The following IL33 variants were observed in gnomAD, a reference collection of about 807,000 sequenced individuals.
IL33 encodes the protein interleukin-33.
A neutral mutation model predicts 27.3 loss-of-function variants in IL33; 37 were observed. The observed-to-expected ratio is 1.36, with a 90% CI of 1.04 to 1.78. The LOEUF (loss-of-function observed/expected upper bound fraction) is 1.78, where lower values mean the gene tolerates loss of function less well. Ranked by LOEUF, IL33 falls within the 40% of genes most tolerant of loss-of-function variation. The probability of loss-of-function intolerance (pLI) is 0.00; values close to 1 mark genes in which losing one functional copy is unlikely to be tolerated. For missense variants in IL33, 406 were observed against 311.4 expected (o/e 1.30, Z -2.29); for synonymous variants, 132 against 102.9 (o/e 1.28, Z -1.71).
intron 2 of IL33, among the ~76,000 whole-genome samples, chr9:6,246,637 A>T (rs929198581): frequency 2.6e-5 from 4 of 152,218 alleles, no homozygotes; most frequent in African/African-American, 9.6e-5. Flanking sequence ...GCCCTCATTA[A>T]TGGATTAATG....
At chr9:6,246,651 T>C (rs557338825) in intron 2 of IL33, among the ~76,000 whole-genome samples, 1 of 152,320 alleles carries the variant, frequency 6.6e-6, no homozygotes, top group African/African-American at 2.4e-5. Context: ...ATTAATGCCA[T>C]TGTCATGGGA....
intron 1 of IL33, among the ~76,000 whole-genome samples, chr9:6,226,211 G>A (rs994172399): frequency 7.3e-5 from 11 of 151,572 alleles, no homozygotes; most frequent in African/African-American, 2.4e-4. Context: ...ATGGGGCCTC[G>A]CTATGTTGCC....
intron 1 of IL33, among the ~76,000 whole-genome samples, chr9:6,229,076 G>C (rs535599982): frequency 6.6e-6 from 1 of 152,200 alleles, no homozygotes; most frequent in Non-Finnish European, 1.5e-5. Flanking sequence ...GCAGCTGCCA[G>C]TATAGAAGGG....
chr9:6,222,302 T>G (rs996029), intron 1 of IL33, among the ~76,000 whole-genome samples: 143,520 of 152,270 alleles, frequency 0.94, 67,715 homozygotes, highest in East Asian at 1. Context: ...GGTTGTACAA[T>G]AAAATCTCAT....
chr9:6,233,841 C>T (rs1467690149), intron 1 of IL33, among the ~76,000 whole-genome samples: 1 of 152,090 alleles, frequency 6.6e-6, no homozygotes, highest in Non-Finnish European at 1.5e-5. Flanking sequence ...TTTCTTTGTT[C>T]CCTTTCATTA....
chr9:6,216,846 T>C (rs567213025), intron 1 of IL33, among the ~76,000 whole-genome samples: 2 of 152,354 alleles, frequency 1.3e-5, no homozygotes, highest in Admixed American at 1.3e-4. Context: ...TTAGTTCTTT[T>C]TTCTTAATGG....
rs200181878 is a variant in IL33, at chr9:6,256,152, A to G, written c.797A>G (p.Lys266Arg). Residue 266 changes from lysine to arginine, a missense_variant, in exon 8 of 8, where the codon AAG (lysine) becomes AGG (arginine). Coordinates refer to ENST00000682010, the MANE Select transcript of IL33 (RefSeq NM_033439.4). ...ENLCTENILF[K>R]LSET ...TTGTGTACTGAAAATATCTTGTTTAAGCTCTCTGAAACTTAGTTGATGGAA... is the reference window on the plus strand; with the variant it reads ...TTGTGTACTGAAAATATCTTGTTTAGGCTCTCTGAAACTTAGTTGATGGAA... 68 of 1,613,002 alleles carry G rather than the reference A, an allele frequency of 4.2e-5. No homozygotes were observed. The highest frequency in any genetic ancestry group is 5.7e-5 in the Non-Finnish European group (67 of 1,179,344).
intron 6 of IL33, 73 bp downstream of exon 6, chr9:6,253,675 C>A (rs1816551068): frequency 3.4e-6 from 4 of 1,187,026 alleles, no homozygotes; most frequent in South Asian, 2.7e-5. Context: ...CAAAAAAATC[C>A]TTTTTGCCCC....
intron 1 of IL33, among the ~76,000 whole-genome samples, chr9:6,221,758 TG>T (rs1439916369): frequency 2.6e-5 from 4 of 152,170 alleles, no homozygotes; most frequent in African/African-American, 9.7e-5. Context: ...TTATGAAAAG[TG>T]TCTTGGCAAA....
At chr9:6,245,441 C>A (rs1819778744) in intron 2 of IL33, among the ~76,000 whole-genome samples, 1 of 152,062 alleles carries the variant, frequency 6.6e-6, no homozygotes, top group Non-Finnish European at 1.5e-5. Flanking sequence ...TTGACTTTAT[C>A]CTGTAGACAG....
chr9:6,233,670 A>G (rs1369727554), intron 1 of IL33, among the ~76,000 whole-genome samples: 2 of 152,210 alleles, frequency 1.3e-5, no homozygotes, highest in Non-Finnish European at 2.9e-5. Context: ...AATGAGTTAA[A>G]TTATGAAATT....
At chr9:6,255,850 C>A in intron 7 of IL33, 118 bp from the exon 8 acceptor site, 1 of 788,020 alleles carries the variant, frequency 1.3e-6, no homozygotes, top group Non-Finnish European at 2.1e-6. Context: ...ACTAAGCAAG[C>A]TTGCTAGAAA....
At chr9:6,217,189 G>C (rs1283189839) in intron 1 of IL33, among the ~76,000 whole-genome samples, 2 of 152,114 alleles carry the variant, frequency 1.3e-5, no homozygotes, top group Non-Finnish European at 2.9e-5. Flanking sequence ...AGCCTGAACA[G>C]ACATCTCTGA....
At chr9:6,218,482 A>G (rs1005807259) in intron 1 of IL33, among the ~76,000 whole-genome samples, 6 of 151,804 alleles carry the variant, frequency 4.0e-5, no homozygotes, top group Non-Finnish European at 8.8e-5. Flanking sequence ...CTTACAACTA[A>G]CTTCGGGGAA....
chr9:6,241,751 C>T lies in IL33; in HGVS notation c.57C>T (p.Asn19=). ...AAATTTCCACAGCAAAGTGGAAGAA[C>T]ACAGCAAGCAAAGCCTTGTGTTTCA... ...TNKISTAKWK[N]TASKALCFKL... The change falls in exon 2 of 8, where the codon AAC becomes AAT. Residue 19 remains asparagine (N), a synonymous_variant. Coordinates refer to ENST00000682010, the MANE Select transcript of IL33 (RefSeq NM_033439.4). The T allele has an allele frequency of 1.2e-6, 2 of 1,611,554 alleles. No individual in the cohort carries two copies. Among genetic ancestry groups the T allele is most frequent in the Non-Finnish European group, 1.7e-6 (2 of 1,178,532 alleles).
intron 1 of IL33, among the ~76,000 whole-genome samples, chr9:6,239,601 C>T (rs1819415163): frequency 6.6e-6 from 1 of 151,818 alleles, no homozygotes; most frequent in South Asian, 2.1e-4. Context: ...TTTTTCAGGG[C>T]CCCTCTCTGC....
intron 2 of IL33, among the ~76,000 whole-genome samples, chr9:6,249,441 A>G (rs566322334): frequency 9.2e-5 from 14 of 152,340 alleles, no homozygotes; most frequent in African/African-American, 3.1e-4. Context: ...TTGAGATCCT[A>G]TGACTCATGT....
chr9:6,239,091 G>A (rs766328284), intron 1 of IL33, among the ~76,000 whole-genome samples: 17 of 152,230 alleles, frequency 1.1e-4, no homozygotes, highest in Non-Finnish European at 1.9e-4. Flanking sequence ...CAAAGTCCTC[G>A]GCAGAACTGC....
chr9:6,254,086 G>A (rs1159718470), intron 6 of IL33, among the ~76,000 whole-genome samples: 1 of 152,134 alleles, frequency 6.6e-6, no homozygotes, highest in Non-Finnish European at 1.5e-5. Flanking sequence ...GAACTCAGTT[G>A]TATTACTACA....
Sources: allele counts gnomAD v4.1 joint callset (sites outside exome capture counted in the v4.1 genomes callset), GRCh38; gene constraint gnomAD v4.1.1; transcripts MANE v1.5; gene names NCBI Gene and HGNC (gene_info 2026-07-23, HGNC 2026-07-21).